ITIH4: variants seen among roughly 807,000 people sequenced by gnomAD.
The protein encoded by ITIH4 is inter-alpha-trypsin inhibitor heavy chain 4.
Under a neutral mutation model 111.8 loss-of-function variants are expected in ITIH4, and 79 were observed. The observed-to-expected ratio is 0.71, with a 90% CI of 0.59 to 0.85. The LOEUF is 0.85. ITIH4 is among the 40% of genes least tolerant of loss of function. ITIH4 has a pLI of 0.00. For missense variants in ITIH4, 1,065 were observed against 1,195.8 expected, an observed-to-expected ratio of 0.89 and a Z score of 1.61; for synonymous variants, 472 against 468.3, an observed-to-expected ratio of 1.01 and a Z score of -0.10.
rs3774363 is a variant in ITIH4, at chr3:52,829,521, C to T, written c.91-242G>A. ...CTACAGCACCACAGGGCAGGGGCCA[C>T]GTCCTTCTTGATCTATAGGGGCCCA... On this transcript the variant is annotated intron_variant, in intron 1 of 23. Transcript: ENST00000266041. 4.6e-5 allele frequency among the ~76,000 whole-genome samples: 7 copies of T among 152,310 alleles called. No homozygotes were observed. The East Asian group carries it at 5.8e-4, about 13-fold the overall frequency.
rs1700366140 is a variant in ITIH4 at position 52,820,739 on chromosome 3, GC to G, written c.1725del (p.Leu576Ter). On this transcript the variant is annotated frameshift_variant, in exon 13 of 24. Coordinates refer to ENST00000266041, the MANE Select transcript of ITIH4 (RefSeq NM_002218.5). LOFTEE classifies it high-confidence loss of function. ...DADQQALRNQ[A>X]LNLSLAYSFV... ...AAGCTGTAGGCAAGTGATAAATTCA[GC>G]GCTTGGTTCCGGAGGGCCTGCTGAT... 6.2e-7 allele frequency: 1 copy of G among 1,613,952 alleles called. No homozygotes were observed. The highest frequency in any genetic ancestry group is 8.5e-7 in the Non-Finnish European group (1 of 1,179,992).
Position 52,824,622 on chromosome 3 carries a change from C to A in ITIH4, c.877-57G>T, listed in dbSNP as rs140481689. On this transcript the variant is annotated intron_variant, in intron 7 of 23. Transcript: ENST00000266041. The surrounding 1 kb of genome is among the most constrained non-coding windows in gnomAD (Gnocchi z 4.3). ...GAAGGGCTCCCTGAGGGCTCGTGTG[C>A]CCTAGGGCTGGCATCCTTGGACTCC... The A allele has an allele frequency of 4.2e-5, 65 of 1,547,386 alleles. No individual in the cohort carries two copies. In the East Asian group the frequency reaches 1.4e-3, roughly 33 times the overall value.
intron 2 of ITIH4, among the ~76,000 whole-genome samples, chr3:52,827,744 G>A (rs1700508347): frequency 6.6e-6 from 1 of 152,240 alleles, no homozygotes; most frequent in African/African-American, 2.4e-5. Context: ...GCACCCTATA[G>A]GGAGGCTGGC....
chr3:52,816,825 C>G, intron 21 of ITIH4, 59 bp downstream of exon 21: 1 of 1,518,530 alleles, frequency 6.6e-7, no homozygotes, highest in Non-Finnish European at 9.0e-7. Context: ...CTGGTACCAT[C>G]ATCAGCCACT....
intron 2 of ITIH4, among the ~76,000 whole-genome samples, chr3:52,828,165 G>C (rs1700514862): frequency 6.6e-6 from 1 of 152,224 alleles, no homozygotes; most frequent in Admixed American, 6.5e-5. Flanking sequence ...CCTAACTCAT[G>C]CAGCAACAGG....
At chr3:52,827,247 T>G in intron 2 of ITIH4, 50 bp from the exon 3 acceptor site, 1 of 1,411,516 alleles carries the variant, frequency 7.1e-7, no homozygotes, top group Non-Finnish European at 1.0e-6. Context: ...CAGGGGCCCA[T>G]TCCACTCCTG....
intron 17 of ITIH4, 110 bp downstream of exon 17, chr3:52,819,283 G>A (rs955629976): frequency 8.6e-6 from 11 of 1,276,528 alleles, no homozygotes; most frequent in East Asian, 2.4e-5. Flanking sequence ...CTCAGCAGCC[G>A]TCCCTGGCCT....
chr3:52,819,597 G>A (rs1700340440), intron 16 of ITIH4, 79 bp from the exon 17 acceptor site: 4 of 1,598,722 alleles, frequency 2.5e-6, no homozygotes, highest in Non-Finnish European at 3.4e-6. Flanking sequence ...ATCCACCCAG[G>A]AGTGGGTGCG....
In ITIH4 at chr3:52,819,920, C is replaced by T; in HGVS notation, c.1912+20G>A. Reference sequence around the variant, plus strand: ...GCCCAATCTGTCAATCTCCCCTCCCCCCACCTCCTACTTTGTCACCTGGTT... The same window carrying T: ...GCCCAATCTGTCAATCTCCCCTCCCTCCACCTCCTACTTTGTCACCTGGTT... On this transcript the variant is annotated intron_variant, in intron 15 of 23. Transcript: ENST00000266041. 6.2e-7 allele frequency: 1 copy of T among 1,612,770 alleles called. No homozygotes were observed. Among genetic ancestry groups the T allele is most frequent in the Non-Finnish European group, 8.5e-7 (1 of 1,178,720 alleles).
At chr3:52,829,049 G>A in intron 2 of ITIH4, 70 bp downstream of exon 2, 2 of 1,385,092 alleles carry the variant, frequency 1.4e-6, no homozygotes, top group Non-Finnish European at 2.0e-6. Context: ...AAGAGGGTTT[G>A]CTGGCACAGA....
chr3:52,821,537 AG>A (rs761781027), intron 11 of ITIH4, among the ~76,000 whole-genome samples: 5 of 152,160 alleles, frequency 3.3e-5, no homozygotes, highest in Non-Finnish European at 5.9e-5. Flanking sequence ...AGGGACAGAG[AG>A]GGAAGGACCT....
At position 52,823,818 on chromosome 3, in the gene ITIH4, G is replaced by A; in HGVS notation, c.1353+5C>T. On this transcript the variant is annotated splice_donor_5th_base_variant and intron_variant, in intron 10 of 23. Transcript: ENST00000266041. ...CTGTGCAGCCCACCTGGGGCACACTGGCACCTGGAGCTGCAGGGCAGAGTC... is the reference window on the plus strand; with the variant it reads ...CTGTGCAGCCCACCTGGGGCACACTAGCACCTGGAGCTGCAGGGCAGAGTC... 1 of 1,613,910 alleles carries A rather than the reference G, an allele frequency of 6.2e-7. No homozygotes were observed. The highest frequency in any genetic ancestry group is 8.5e-7 in the Non-Finnish European group (1 of 1,179,966).
intron 3 of ITIH4, 29 bp from the exon 4 acceptor site, chr3:52,826,982 CT>C (rs751861236): frequency 6.2e-7 from 1 of 1,613,934 alleles, no homozygotes; most frequent in South Asian, 1.1e-5. Context: ...AGGCCTGCTC[CT>C]CCAGGACAGG....
chr3:52,827,265 C>A lies in ITIH4; in HGVS notation c.252-68G>T. The A allele has an allele frequency of 2.4e-6, 3 of 1,274,352 alleles. No individual in the cohort carries two copies. The South Asian group carries it at 3.6e-5, about 15-fold the overall frequency. The allele number at this position is 1,274,352 out of a possible 1,614,324, so 78.9% of individuals were successfully genotyped here. A position where few individuals can be genotyped will look rare whatever the true frequency, so the allele number is the denominator to read the frequency against. On this transcript the variant is annotated intron_variant, in intron 2 of 23. Transcript: ENST00000266041. Reference sequence around the variant, plus strand: ...GGGCCCATTCCACTCCTGCCTCCTCCAGAGAGCCTTTCTGGACTCGGTGTG... The same window carrying A: ...GGGCCCATTCCACTCCTGCCTCCTCAAGAGAGCCTTTCTGGACTCGGTGTG...
Position 52,827,155 on chromosome 3 carries a change from C to A in ITIH4, c.294G>T (p.Lys98Asn). 9 of 1,614,174 alleles carry A rather than the reference C, an allele frequency of 5.6e-6. No homozygotes were observed. The highest frequency in any genetic ancestry group is 7.6e-6 in the Non-Finnish European group (9 of 1,180,028). ...GMTYPGIIKE[K>N]AEAQAQYSAA... ...CGCTGTACTGTGCCTGGGCTTCAGCCTTCTCCTTGATGATCCCTGGGTAGG... is the reference window on the plus strand; with the variant it reads ...CGCTGTACTGTGCCTGGGCTTCAGCATTCTCCTTGATGATCCCTGGGTAGG... The change falls in exon 3 of 24, where the codon AAG (lysine) becomes AAT (asparagine). Residue 98 changes from lysine (K) to asparagine (N), a missense_variant. Transcript: ENST00000266041.
intron 1 of ITIH4, 89 bp from the exon 2 acceptor site, chr3:52,829,368 C>T (rs2154111771): frequency 7.1e-7 from 1 of 1,404,748 alleles, no homozygotes; most frequent in South Asian, 1.3e-5. Context: ...CTGACTCTGG[C>T]TCTAGACCAA....
At chr3:52,821,714 C>T (rs1017790669) in intron 11 of ITIH4, among the ~76,000 whole-genome samples, 1 of 152,166 alleles carries the variant, frequency 6.6e-6, no homozygotes, top group Admixed American at 6.5e-5. Context: ...TGTGAACCTG[C>T]TCCCTCCTCC....
At position 52,824,525 on chromosome 3, in the gene ITIH4, G is replaced by A. The variant is rs1318812217; in HGVS notation, c.917C>T (p.Pro306Leu). ...ALIKILDDLS[P>L]RDQFNLIVFS... ...GACGATGAGGTTGAACTGGTCTCTGGGGCTGAGGTCATCCAGGATCTTGAT... is the reference window on the plus strand; with the variant it reads ...GACGATGAGGTTGAACTGGTCTCTGAGGCTGAGGTCATCCAGGATCTTGAT... The change falls in exon 8 of 24, where the codon CCC (proline) becomes CTC (leucine). Residue 306 changes from proline (P) to leucine (L), a missense_variant. Pro to Leu is a moderately conservative substitution (Grantham distance 98). Coordinates refer to ENST00000266041, the MANE Select transcript of ITIH4 (RefSeq NM_002218.5). This position sits in a 1 kb window ranked among gnomAD's most constrained non-coding sequence, Gnocchi z 4.3. 6.2e-7 allele frequency: 1 copy of A among 1,613,896 alleles called. No individual in the cohort carries two copies. Among genetic ancestry groups the A allele is most frequent in the Non-Finnish European group, 8.5e-7 (1 of 1,179,998 alleles).
intron 17 of ITIH4, chr3:52,818,881 G>A: frequency 5.9e-6 from 2 of 337,724 alleles, no homozygotes; most frequent in South Asian, 3.6e-5. Context: ...AAGGACAGGT[G>A]AAGTCCTGCC....
Sources: gnomAD v4.1 joint callset for allele counts (sites outside exome capture counted in the v4.1 genomes callset) on GRCh38, gnomAD v4.1.1 for gene constraint, Gnocchi (gnomAD v3.1) non-coding constraint, MANE v1.5 for transcripts, NCBI Gene and HGNC (gene_info 2026-07-23, HGNC 2026-07-21) for gene names.